CENPE: variants seen among roughly 807,000 people sequenced by gnomAD.
CENPE encodes the protein centromere-associated protein E.
A neutral mutation model predicts 336.1 loss-of-function variants in CENPE; 145 were observed. That is an observed-to-expected ratio of 0.43 (90% CI 0.38 to 0.50). The LOEUF is 0.50. Among genes scored for constraint, CENPE ranks in the 20% least tolerant of loss-of-function variants. CENPE has a pLI of 0.00. For missense variants in CENPE, 2,719 were observed against 3,023.3 expected, an observed-to-expected ratio of 0.90 and a Z score of 2.36; for synonymous variants, 1,013 against 984.8, an observed-to-expected ratio of 1.03 and a Z score of -0.54.
intron 8 of CENPE, among the ~76,000 whole-genome samples, chr4:103,192,441 A>G (rs962672963): frequency 3.9e-5 from 6 of 152,218 alleles, no homozygotes; most frequent in African/African-American, 1.4e-4. Flanking sequence ...TACAAAAGCA[A>G]TGGTTAGTAT....
In CENPE at chr4:103,158,610, T is replaced by G; in HGVS notation, c.2874+4A>C. The G allele has an allele frequency of 6.3e-7, 1 of 1,586,506 alleles. No homozygotes were observed. The highest frequency in any genetic ancestry group is 1.2e-5 in the South Asian group (1 of 84,560). On this transcript the variant is annotated splice_donor_region_variant and intron_variant, in intron 23 of 48. Coordinates refer to ENST00000265148, the MANE Select transcript of CENPE (RefSeq NM_001813.3). ...TTTCAAAGTTTAATCAATCAAAACC[T>G]TACCATGTTAACAGTATCGTGAATA...
intron 13 of CENPE, among the ~76,000 whole-genome samples, chr4:103,178,191 T>G (rs1470791687): frequency 6.6e-6 from 1 of 152,040 alleles, no homozygotes; most frequent in Non-Finnish European, 1.5e-5. Flanking sequence ...CACGGCACAC[T>G]CAAATGGCAC....
chr4:103,195,876 C>T, intron 4 of CENPE, 44 bp downstream of exon 4: 2 of 1,131,586 alleles, frequency 1.8e-6, no homozygotes, highest in Non-Finnish European at 2.7e-6. Context: ...CCAGTTTTTA[C>T]TAGTTTTACC....
chr4:103,154,830 G>C (rs1029307666), intron 24 of CENPE, among the ~76,000 whole-genome samples: 38 of 152,082 alleles, frequency 2.5e-4, no homozygotes, highest in Non-Finnish European at 4.0e-4. Flanking sequence ...TATTTTTGTT[G>C]AGATACATTA....
chr4:103,136,410 C>T, intron 39 of CENPE, 51 bp from the exon 40 acceptor site: 1 of 1,278,246 alleles, frequency 7.8e-7, no homozygotes, highest in Non-Finnish European at 1.1e-6. Context: ...TCTAATATCA[C>T]AATAAGTAGT....
intron 31 of CENPE, 77 bp from the exon 32 acceptor site, chr4:103,145,411 GA>G: frequency 1.5e-6 from 2 of 1,369,682 alleles, no homozygotes; most frequent in Non-Finnish European, 2.0e-6. Flanking sequence ...AACTTAAGAG[GA>G]AAAGGTTGCT....
intron 12 of CENPE, 22 bp from the exon 13 acceptor site, chr4:103,180,491 T>A (rs746216266): frequency 6.4e-7 from 1 of 1,553,900 alleles, no homozygotes; most frequent in Non-Finnish European, 8.7e-7. Context: ...AATATTGGAT[T>A]ATGTTAATAA....
intron 40 of CENPE, 108 bp downstream of exon 40, chr4:103,136,033 G>T: frequency 2.3e-6 from 2 of 876,602 alleles, no homozygotes; most frequent in Non-Finnish European, 3.6e-6. Flanking sequence ...CTTTAATTTG[G>T]TAGTAAGAAT....
At chr4:103,156,473 C>G (rs551516534) in intron 24 of CENPE, among the ~76,000 whole-genome samples, 19 of 152,262 alleles carry the variant, frequency 1.2e-4, no homozygotes, top group African/African-American at 4.3e-4. Flanking sequence ...CAAGACTACT[C>G]AATGGGGACA....
At position 103,159,071 on chromosome 4, in the gene CENPE, A is replaced by G; in HGVS notation, c.2540T>C (p.Ile847Thr). ...TTGGGCTTCTTTAGAGAGATTAACT[A>G]TTTCCTGATTCATTCTCTCATTCTC... ...LEENERMNQE[I>T]VNLSKEAQKF... Residue 847 changes from isoleucine to threonine, a missense_variant, in exon 22 of 49, where the codon ATA (isoleucine) becomes ACA (threonine). Physicochemically the swap from Ile to Thr is moderately conservative, Grantham distance 89 (BLOSUM62 -1). Around this residue, in one of 5 missense-constraint regions of CENPE, gnomAD observed 2,437 missense variants for 2,513.3 expected, o/e 0.97. Transcript: ENST00000265148. 1 of 1,559,492 alleles carries G rather than the reference A, an allele frequency of 6.4e-7. No homozygotes were observed. Among genetic ancestry groups the G allele is most frequent in the Non-Finnish European group, 8.6e-7 (1 of 1,160,004 alleles).
In CENPE at chr4:103,196,081, C is replaced by A. The variant is rs374398054; in HGVS notation, c.239-43G>T. 2.5e-6 allele frequency: 4 copies of A among 1,586,918 alleles called. No homozygotes were observed. The African/African-American group carries it at 5.4e-5, about 21-fold the overall frequency. On this transcript the variant is annotated intron_variant, in intron 3 of 48. Coordinates refer to ENST00000265148, the MANE Select transcript of CENPE (RefSeq NM_001813.3). ...CACATACGCAAAGATTAAAAACAAACCTATAATGGGTAAAACTATGCATGC... is the reference window on the plus strand; with the variant it reads ...CACATACGCAAAGATTAAAAACAAAACTATAATGGGTAAAACTATGCATGC...
chr4:103,191,974 G>C (rs1322170705), intron 8 of CENPE, among the ~76,000 whole-genome samples: 1 of 151,964 alleles, frequency 6.6e-6, no homozygotes, highest in South Asian at 2.1e-4. Flanking sequence ...ATCTCGGTGA[G>C]AGATAATACC....
intron 45 of CENPE, among the ~76,000 whole-genome samples, chr4:103,114,825 T>G (rs1443275546): frequency 1.3e-5 from 2 of 152,202 alleles, no homozygotes; most frequent in African/African-American, 4.8e-5. Flanking sequence ...GCCTAATTCA[T>G]TGTATATTGA....
Position 103,159,015 on chromosome 4 carries a change from T to C in CENPE, c.2596A>G (p.Thr866Ala), listed in dbSNP as rs372209751. ...KFDSSLGALK[T>A]ELSYKTQELQ... ...AAATAGCATCTTGTACCAACCTCGG[T>C]CTTCAAAGCACCCAAACTCGAATCA... Residue 866 changes from threonine (T) to alanine (A), a missense_variant, in exon 22 of 49, where the codon ACC (threonine) becomes GCC (alanine). Coordinates refer to ENST00000265148, the MANE Select transcript of CENPE (RefSeq NM_001813.3). 11 of 1,532,010 alleles carry C rather than the reference T, an allele frequency of 7.2e-6. No individual in the cohort carries two copies. Among genetic ancestry groups the C allele is most frequent in the Non-Finnish European group, 9.6e-6 (11 of 1,146,814 alleles). The allele number at this position is 1,532,010 out of a possible 1,614,324, so 94.9% of individuals were successfully genotyped here.
chr4:103,179,901 C>T (rs890566885), intron 13 of CENPE, among the ~76,000 whole-genome samples: 2 of 152,168 alleles, frequency 1.3e-5, no homozygotes, highest in African/African-American at 4.8e-5. Context: ...ATTTTGTTCA[C>T]TATGTTGTTT....
rs188530452 is a variant in CENPE at position 103,181,296 on chromosome 4, T to C, written c.1083+41A>G. The C allele has an allele frequency of 4.5e-3, 6,332 of 1,392,404 alleles. 20 individuals are homozygous for C. Among genetic ancestry groups the C allele is most frequent in the Admixed American group, 8.2e-3 (311 of 38,100 alleles). 86.3% of individuals were successfully genotyped at this position (1,392,404 alleles called of 1,614,324 possible). A position where few individuals can be genotyped will look rare whatever the true frequency, so the allele number is the denominator to read the frequency against. ...CATTTGGGCAGGTCTCCATTCTAAATTGGTTCTTTCAATTTAATGAAATAA... is the reference window on the plus strand; with the variant it reads ...CATTTGGGCAGGTCTCCATTCTAAACTGGTTCTTTCAATTTAATGAAATAA... On this transcript the variant is annotated intron_variant, in intron 12 of 48. Transcript: ENST00000265148.
chr4:103,120,670 C>G (rs1750545876), intron 43 of CENPE, among the ~76,000 whole-genome samples: 2 of 152,122 alleles, frequency 1.3e-5, no homozygotes, highest in Admixed American at 1.3e-4. Flanking sequence ...ATGAACACCA[C>G]TTAAACAAAG....
rs1268194429 is a variant in CENPE, at chr4:103,160,707, TCTTCAA to T, written c.2198_2203del (p.Val733_Glu734del). 1.2e-6 allele frequency: 2 copies of T among 1,610,678 alleles called. No individual in the cohort carries two copies. Among genetic ancestry groups the T allele is most frequent in the Non-Finnish European group, 1.7e-6 (2 of 1,178,118 alleles). On this transcript the variant is annotated inframe_deletion, in exon 21 of 49. Coordinates refer to ENST00000265148, the MANE Select transcript of CENPE (RefSeq NM_001813.3). ...GACTTCTTCCCGCAAAGCTTCATTT[TCTTCAA>T]CTTCTTTATTTAGTTCTTTCTGAAG...
chr4:103,179,007 G>T (rs1756113669), intron 13 of CENPE, among the ~76,000 whole-genome samples: 1 of 152,076 alleles, frequency 6.6e-6, no homozygotes, highest in African/African-American at 2.4e-5. Flanking sequence ...TCAAACAAAA[G>T]AAATCCCAAA....
Sources: gnomAD v4.1 joint callset for allele counts (sites outside exome capture counted in the v4.1 genomes callset) on GRCh38, gnomAD v4.1.1 for gene constraint, gnomAD v4.1.1 regional missense constraint, MANE v1.5 for transcripts, NCBI Gene and HGNC (gene_info 2026-07-23, HGNC 2026-07-21) for gene names.